The following KLHL4 variants were observed in gnomAD, a reference collection of about 807,000 sequenced individuals.
KLHL4 encodes the protein kelch-like protein 4.
A neutral mutation model predicts 45.8 loss-of-function variants in KLHL4; 17 were observed. The observed-to-expected ratio is 0.37, with a 90% CI of 0.25 to 0.56. The LOEUF is 0.56. Ranked by LOEUF, KLHL4 falls within the 20% of genes least tolerant of loss-of-function variation. The pLI, the probability that KLHL4 is intolerant of heterozygous loss-of-function variation, is 0.79. For synonymous variants in KLHL4, 224 were observed against 189.9 expected (o/e 1.18, Z -1.47); for missense variants, 544 against 544.9 (o/e 1.00, Z 0.02).
intron 1 of KLHL4, among the ~76,000 whole-genome samples, chrX:87,576,054 G>A (rs1421627281): frequency 9.0e-6 from 1 of 111,253 alleles, no homozygotes; most frequent in Non-Finnish European, 1.9e-5. Flanking sequence ...GGAGATCCAT[G>A]TTGCAATTAT....
chrX:87,521,262 T>G (rs1019169591), intron 1 of KLHL4, among the ~76,000 whole-genome samples: 2 of 112,051 alleles, frequency 1.8e-5, no homozygotes, highest in Non-Finnish European at 3.8e-5. Flanking sequence ...AAGTTTCAAG[T>G]GAGGTTTGCC....
In KLHL4 at chrX:87,529,292, C is replaced by A. The variant is rs11798584; in HGVS notation, c.422+10977C>A. Among the ~76,000 whole-genome samples the A allele has an allele frequency of 5.4e-3, 602 of 111,239 alleles. 1 individual carries two copies. Among genetic ancestry groups the A allele is most frequent in the Non-Finnish European group, 8.7e-3 (462 of 52,982 alleles). On this transcript the variant is annotated intron_variant, in intron 1 of 10. Transcript: ENST00000373119. Reference sequence around the variant, plus strand: ...TCACCAGTAAATATTAATTCATAATCCAACTCAAAATACTCCAGGGCTATA... The same window carrying A: ...TCACCAGTAAATATTAATTCATAATACAACTCAAAATACTCCAGGGCTATA...
chrX:87,554,979 G>T (rs1280391270), intron 1 of KLHL4, among the ~76,000 whole-genome samples: 1 of 106,082 alleles, frequency 9.4e-6, no homozygotes, highest in Non-Finnish European at 1.9e-5. Flanking sequence ...AGATAAGCAT[G>T]TGGTTTTTGT....
At chrX:87,566,400 G>A (rs779153794) in intron 1 of KLHL4, among the ~76,000 whole-genome samples, 6 of 111,076 alleles carry the variant, frequency 5.4e-5, no homozygotes, top group African/African-American at 1.3e-4. Flanking sequence ...TGAAAATACC[G>A]TAAGTTGAAA....
intron 9 of KLHL4, among the ~76,000 whole-genome samples, chrX:87,660,625 A>T (rs769837267): frequency 1.8e-5 from 2 of 112,200 alleles, no homozygotes; most frequent in Non-Finnish European, 3.8e-5. Flanking sequence ...TGGGTGGATC[A>T]CTTGAGGCCA....
At chrX:87,593,390 T>G (rs1038771673) in intron 1 of KLHL4, among the ~76,000 whole-genome samples, 4 of 111,813 alleles carry the variant, frequency 3.6e-5, no homozygotes, top group Admixed American at 9.6e-5. Context: ...ATTTTTTACT[T>G]TCTGCTCTCA....
At chrX:87,629,871 T>C (rs1210567653) in intron 6 of KLHL4, among the ~76,000 whole-genome samples, 1 of 111,936 alleles carries the variant, frequency 8.9e-6, no homozygotes, top group Non-Finnish European at 1.9e-5. Flanking sequence ...ATATTTAGTG[T>C]AGAAAACATA....
chrX:87,636,656 T>C (rs1923273997), intron 9 of KLHL4, among the ~76,000 whole-genome samples: 2 of 110,443 alleles, frequency 1.8e-5, no homozygotes, highest in Non-Finnish European at 3.8e-5. Context: ...AGACCAGCCT[T>C]TCTGGCTGCA....
chrX:87,638,273 G>T (rs1923334662), intron 9 of KLHL4, among the ~76,000 whole-genome samples: 1 of 112,120 alleles, frequency 8.9e-6, no homozygotes, highest in Non-Finnish European at 1.9e-5. Flanking sequence ...ACATATTTGA[G>T]GGGATAATCA....
intron 1 of KLHL4, among the ~76,000 whole-genome samples, chrX:87,579,306 T>A (rs1025741189): frequency 9.0e-6 from 1 of 111,022 alleles, no homozygotes; most frequent in African/African-American, 3.3e-5. Context: ...TTTGAGAAGC[T>A]TCCAGAATAT....
intron 1 of KLHL4, among the ~76,000 whole-genome samples, chrX:87,557,382 C>T (rs6614687): frequency 0.25 from 27,815 of 110,601 alleles, 2,984 homozygotes; most frequent in East Asian, 0.51. Context: ...TTATGGATAG[C>T]AGCAATGTGT....
intron 9 of KLHL4, among the ~76,000 whole-genome samples, chrX:87,647,950 C>A (rs1278596924): frequency 5.4e-5 from 6 of 111,090 alleles, no homozygotes; most frequent in Non-Finnish European, 1.1e-4. Flanking sequence ...CTTACCATCA[C>A]AAAATATACA....
At chrX:87,576,743 G>A (rs747161692) in intron 1 of KLHL4, among the ~76,000 whole-genome samples, 10 of 110,966 alleles carry the variant, frequency 9.0e-5, no homozygotes, top group Non-Finnish European at 1.9e-4. Context: ...TTAATATGTC[G>A]AATTGATCAA....
intron 1 of KLHL4, among the ~76,000 whole-genome samples, chrX:87,558,009 G>C (rs1293317747): frequency 2.7e-5 from 3 of 111,491 alleles, no homozygotes; most frequent in African/African-American, 9.8e-5. Context: ...AGATGCCTTG[G>C]AAATTCCCCA....
intron 1 of KLHL4, among the ~76,000 whole-genome samples, chrX:87,559,095 T>C (rs1257542073): frequency 2.7e-5 from 3 of 112,218 alleles, no homozygotes; most frequent in African/African-American, 9.7e-5. Flanking sequence ...CTTTGATTTT[T>C]GCTTGAAAGC....
intron 1 of KLHL4, among the ~76,000 whole-genome samples, chrX:87,526,578 G>A (rs1276578532): frequency 8.9e-6 from 1 of 111,818 alleles, no homozygotes; most frequent in African/African-American, 3.2e-5. Context: ...TTTCATGGAG[G>A]TGACATAATT....
intron 1 of KLHL4, among the ~76,000 whole-genome samples, chrX:87,522,200 C>T (rs1368338464): frequency 9.0e-6 from 1 of 111,672 alleles, no homozygotes; most frequent in Non-Finnish European, 1.9e-5. Context: ...ATGTGGGTAT[C>T]TGCAGGGAGT....
chrX:87,555,440 G>C (rs1311672875), intron 1 of KLHL4, among the ~76,000 whole-genome samples: 1 of 111,435 alleles, frequency 9.0e-6, no homozygotes, highest in East Asian at 2.8e-4. Context: ...TCCTGTTTTA[G>C]TCTTGGGAAG....
chrX:87,587,510 G>A (rs1253701959), intron 1 of KLHL4, among the ~76,000 whole-genome samples: 1 of 111,679 alleles, frequency 9.0e-6, no homozygotes, highest in African/African-American at 3.2e-5. Context: ...ATTAATCAAT[G>A]TGATACATCA....
Sources: gnomAD v4.1 joint callset for allele counts (sites outside exome capture counted in the v4.1 genomes callset) on GRCh38, gnomAD v4.1.1 for gene constraint, MANE v1.5 for transcripts, NCBI Gene and HGNC (gene_info 2026-07-23, HGNC 2026-07-21) for gene names.